Variants in C18orf63 observed in about 807,000 individuals in gnomAD.
C18orf63 encodes the protein uncharacterized protein C18orf63.
C18orf63 carries 50 observed loss-of-function variants against 75.3 expected under a neutral mutation model. The ratio of observed to expected loss-of-function variants is 0.66; its 90% confidence interval spans 0.53 to 0.84. The LOEUF (loss-of-function observed/expected upper bound fraction) is 0.84, where lower values mean the gene tolerates loss of function less well. C18orf63 is among the 40% of genes least tolerant of loss of function. The pLI, the probability that C18orf63 is intolerant of heterozygous loss-of-function variation, is 0.00. For synonymous variants in C18orf63, 232 were observed against 267.6 expected, an observed-to-expected ratio of 0.87 and a Z score of 1.30; for missense variants, 732 against 800.2, an observed-to-expected ratio of 0.91 and a Z score of 1.03.
At chr18:74,337,307 G>T (rs547631339) in intron 7 of C18orf63, among the ~76,000 whole-genome samples, 2 of 152,068 alleles carry the variant, frequency 1.3e-5, no homozygotes, top group African/African-American at 4.8e-5. Flanking sequence ...CAGCTGGGTG[G>T]TTTGCCAGTC....
rs778928047 is a variant in C18orf63, at chr18:74,341,988, T to TATTTAAGC, written c.612-40_612-33dup. Reference sequence around the variant, plus strand: ...ATCATGTAGTTGACTTATTAAACTATATTTAAGCATTGGCTCATAATAGCT... The same window carrying TATTTAAGC: ...ATCATGTAGTTGACTTATTAAACTATATTTAAGCATTTAAGCATTGGCTCATAATAGCT... On this transcript the variant is annotated intron_variant, in intron 8 of 13. Coordinates refer to ENST00000579455, the MANE Select transcript of C18orf63 (RefSeq NM_001174123.2). 1.2e-5 allele frequency: 11 copies of TATTTAAGC among 933,544 alleles called. No individual in the cohort carries two copies. The South Asian group carries it at 1.4e-4, about 12-fold the overall frequency. The allele number at this position is 933,544 out of a possible 1,614,324, so 57.8% of individuals were successfully genotyped here.
chr18:74,350,830 G>A (rs1366861139), intron 11 of C18orf63, among the ~76,000 whole-genome samples: 2 of 152,168 alleles, frequency 1.3e-5, no homozygotes, highest in African/African-American at 4.8e-5. Flanking sequence ...TGCTCTGAAT[G>A]TGTTTCTCCA....
rs576559964 is a variant in C18orf63 at position 74,336,075 on chromosome 18, A to C, written c.502-2640A>C. Among the ~76,000 whole-genome samples the C allele has an allele frequency of 3.3e-5, 5 of 152,232 alleles. No individual in the cohort carries two copies. In the East Asian group the frequency reaches 9.6e-4, roughly 29 times the overall value. On this transcript the variant is annotated intron_variant, in intron 7 of 13. Coordinates refer to ENST00000579455, the MANE Select transcript of C18orf63 (RefSeq NM_001174123.2). ...CATAGTACCTGGCAGTAGAGGTTAAAAAATGATAGCTATTGTTATTATTTT... is the reference window on the plus strand; with the variant it reads ...CATAGTACCTGGCAGTAGAGGTTAACAAATGATAGCTATTGTTATTATTTT...
At chr18:74,348,401 C>T (rs1440314582) in intron 11 of C18orf63, among the ~76,000 whole-genome samples, 3 of 152,106 alleles carry the variant, frequency 2.0e-5, no homozygotes, top group Non-Finnish European at 2.9e-5. Context: ...AAGAAATACA[C>T]TGAGGTGGTG....
chr18:74,321,525 G>A (rs775395926), intron 3 of C18orf63, among the ~76,000 whole-genome samples: 43 of 152,018 alleles, frequency 2.8e-4, no homozygotes, highest in Middle Eastern at 3.4e-3. Context: ...GGCTGGTCTC[G>A]AACTCCTGAG....
At chr18:74,339,314 G>A (rs1984441510) in intron 8 of C18orf63, among the ~76,000 whole-genome samples, 1 of 152,010 alleles carries the variant, frequency 6.6e-6, no homozygotes, top group Non-Finnish European at 1.5e-5. Context: ...AAGCTGGGAG[G>A]AGGTAGGTAG....
intron 11 of C18orf63, among the ~76,000 whole-genome samples, chr18:74,348,529 G>A (rs186225199): frequency 2.9e-4 from 44 of 152,154 alleles, no homozygotes; most frequent in Admixed American, 2.2e-3. Context: ...TGAAATATTC[G>A]TTCATATCTA....
intron 3 of C18orf63, among the ~76,000 whole-genome samples, chr18:74,321,578 T>G (rs1402733173): frequency 6.6e-6 from 1 of 152,152 alleles, no homozygotes; most frequent in Non-Finnish European, 1.5e-5. Flanking sequence ...GTGCTTAGAT[T>G]ACAGGCTTGA....
rs79548281 is a variant in C18orf63, at chr18:74,342,309, C to G, written c.777C>G (p.Leu259=). ...ACTGCAACATCTATTTCAAAATGCT[C>G]GGAGAAAGGACCTTCACATATCCTT... ...KIYCNIYFKM[L]GERTFTYPLS... The change falls in exon 10 of 14, where the codon CTC becomes CTG. Residue 259 remains leucine, a synonymous_variant. Coordinates refer to ENST00000579455, the MANE Select transcript of C18orf63 (RefSeq NM_001174123.2). 1.3e-6 allele frequency: 2 copies of G among 1,527,746 alleles called. No homozygotes were observed. The highest frequency in any genetic ancestry group is 2.4e-5 in the East Asian group (1 of 40,824). The allele number at this position is 1,527,746 out of a possible 1,614,324, so 94.6% of individuals were successfully genotyped here.
intron 6 of C18orf63, among the ~76,000 whole-genome samples, chr18:74,329,653 A>G (rs1181482452): frequency 6.6e-6 from 1 of 152,176 alleles, no homozygotes; most frequent in Non-Finnish European, 1.5e-5. Flanking sequence ...GAATCATATC[A>G]TCAAAAATTC....
At chr18:74,321,312 T>C (rs1984117162) in intron 3 of C18orf63, among the ~76,000 whole-genome samples, 2 of 141,922 alleles carry the variant, frequency 1.4e-5, no homozygotes, top group Admixed American at 1.4e-4. Flanking sequence ...TCTCCCTTCC[T>C]TCCTTTTTTT....
At chr18:74,345,216 G>T (rs1188132311) in intron 11 of C18orf63, among the ~76,000 whole-genome samples, 3 of 146,364 alleles carry the variant, frequency 2.0e-5, no homozygotes, top group Non-Finnish European at 4.6e-5. Context: ...TTTTTCTACT[G>T]TGTTACGTGT....
chr18:74,339,835 A>G (rs966765979), intron 8 of C18orf63, among the ~76,000 whole-genome samples: 2 of 152,216 alleles, frequency 1.3e-5, no homozygotes, highest in Admixed American at 1.3e-4. Context: ...GCATTTCTAT[A>G]TACTAACAAC....
At chr18:74,329,399 A>G (rs1984267158) in intron 6 of C18orf63, among the ~76,000 whole-genome samples, 2 of 149,008 alleles carry the variant, frequency 1.3e-5, no homozygotes, top group African/African-American at 4.9e-5. Flanking sequence ...AAAAAAAACC[A>G]GTAACATAGA....
chr18:74,321,783 T>G (rs1327234582), intron 3 of C18orf63, among the ~76,000 whole-genome samples: 1 of 152,052 alleles, frequency 6.6e-6, no homozygotes, highest in Non-Finnish European at 1.5e-5. Flanking sequence ...GGAAAGTAGC[T>G]ATCTGTTTTT....
intron 11 of C18orf63, among the ~76,000 whole-genome samples, chr18:74,344,355 C>CCCTCCCTCCTAGTCATAACTCCTT (rs1568239137): frequency 6.6e-6 from 1 of 151,836 alleles, no homozygotes; most frequent in African/African-American, 2.4e-5. Context: ...AGGGTGTTTT[C>CCCTCCCTCCTAGTCATAACTCCTT]TACTGAGTTT....
intron 10 of C18orf63, 58 bp downstream of exon 10, chr18:74,342,384 TG>T: frequency 9.8e-7 from 1 of 1,015,410 alleles, no homozygotes; most frequent in Non-Finnish European, 1.5e-6. Flanking sequence ...AATCTAGTTT[TG>T]CTCCCACTCT....
chr18:74,335,089 T>C (rs1383610744), intron 7 of C18orf63, among the ~76,000 whole-genome samples: 5 of 152,296 alleles, frequency 3.3e-5, no homozygotes, highest in Admixed American at 1.3e-4. Context: ...TGCAAATGTC[T>C]CATTCAACTG....
At chr18:74,329,185 T>A in intron 6 of C18orf63, 149 bp downstream of exon 6, 1 of 557,494 alleles carries the variant, frequency 1.8e-6, no homozygotes, top group East Asian at 2.9e-5. Context: ...GCCCACAAGT[T>A]CAAGACCAGC....
Sources: allele counts gnomAD v4.1 joint callset (sites outside exome capture counted in the v4.1 genomes callset), GRCh38; gene constraint gnomAD v4.1.1; transcripts MANE v1.5; gene names NCBI Gene and HGNC (gene_info 2026-07-23, HGNC 2026-07-21).